TTC7B: variants seen among roughly 807,000 people sequenced by gnomAD.
TTC7B encodes the protein tetratricopeptide repeat domain 7B.
Under a neutral mutation model 106.8 loss-of-function variants are expected in TTC7B, and 28 were observed. That is an observed-to-expected ratio of 0.26 (90% confidence interval 0.19 to 0.36). TTC7B has a LOEUF of 0.36. TTC7B is among the 10% of genes least tolerant of loss of function. TTC7B has a pLI of 1.00. For synonymous variants in TTC7B, 405 were observed against 430.6 expected (o/e 0.94, Z 0.74); for missense variants, 862 against 1,076.4 (o/e 0.80, Z 2.79).
chr14:90,597,273 C>CA (rs1304776808), intron 17 of TTC7B, among the ~76,000 whole-genome samples: 1 of 152,060 alleles, frequency 6.6e-6, no homozygotes, highest in Non-Finnish European at 1.5e-5. Flanking sequence ...GAAAATAACA[C>CA]AACAAATAAA....
intron 15 of TTC7B, among the ~76,000 whole-genome samples, chr14:90,643,826 A>C (rs1885301666): frequency 6.6e-6 from 1 of 152,024 alleles, no homozygotes; most frequent in South Asian, 2.1e-4. Context: ...CAGGTGATCC[A>C]CCCACCTCGG....
At chr14:90,784,280 G>A (rs931083591) in intron 2 of TTC7B, among the ~76,000 whole-genome samples, 2 of 152,306 alleles carry the variant, frequency 1.3e-5, no homozygotes, top group South Asian at 2.1e-4. Context: ...AGATGAGGCC[G>A]GGAGCGGTGG....
Position 90,624,432 on chromosome 14 carries a change from C to A in TTC7B, c.1752-6387G>T, listed in dbSNP as rs1884349513. Among the ~76,000 whole-genome samples the A allele has an allele frequency of 6.6e-6, 1 of 152,138 alleles. No individual in the cohort carries two copies. On this transcript the variant is annotated intron_variant, in intron 15 of 19. Transcript: ENST00000328459. This position sits in a 1 kb window ranked among gnomAD's most constrained non-coding sequence, Gnocchi z 4.0. ...CACTTGTCAGGGCCATGCTCGGTGT[C>A]TCATGCCATTCCCCAGGAAGACTTC... is the stretch of plus-strand genomic sequence containing the variant.
chr14:90,602,702 GAAAA>G (rs77011716), intron 17 of TTC7B, among the ~76,000 whole-genome samples: 1 of 124,838 alleles, frequency 8.0e-6, no homozygotes, highest in Non-Finnish European at 1.7e-5. Flanking sequence ...GTCTCAAAAA[GAAAA>G]AAAAAAAAAG....
Position 90,757,226 on chromosome 14 carries a change from T to C in TTC7B, c.446-12304A>G, listed in dbSNP as rs906540005. On this transcript the variant is annotated intron_variant, in intron 3 of 19. Transcript: ENST00000328459. This position sits in a 1 kb window ranked among gnomAD's most constrained non-coding sequence, Gnocchi z 4.1. ...TGAACCACCCCGTTCCCTCCACTCA[T>C]GGACTTTTCTATAAAACTACTTGTT... 1.3e-5 allele frequency among the ~76,000 whole-genome samples: 2 copies of C among 152,120 alleles called. No homozygotes were observed. The highest frequency in any genetic ancestry group is 2.9e-5 in the Non-Finnish European group (2 of 68,012).
At position 90,560,039 on chromosome 14, in the gene TTC7B, G is replaced by A. The variant is rs534134894; in HGVS notation, c.2310+18067C>T. Among the ~76,000 whole-genome samples the A allele has an allele frequency of 5.9e-5, 9 of 152,258 alleles. No homozygotes were observed. In the South Asian group the frequency reaches 8.3e-4, roughly 14 times the overall value. On this transcript the variant is annotated intron_variant, in intron 19 of 19. Coordinates refer to ENST00000328459, the MANE Select transcript of TTC7B (RefSeq NM_001010854.2). The stretch of plus-strand genomic sequence containing the variant: ...CCTCCATCAGATCTGTGCCACAAGC[G>A]CCATGTGCCCCAGGAGCCCCGGGTT...
chr14:90,693,765 T>C (rs1025739433), intron 6 of TTC7B, among the ~76,000 whole-genome samples: 11 of 152,214 alleles, frequency 7.2e-5, no homozygotes, highest in African/African-American at 2.7e-4. Flanking sequence ...GGTGGGAATG[T>C]AATATGGTAC....
intron 5 of TTC7B, among the ~76,000 whole-genome samples, chr14:90,713,823 T>A (rs1239264017): frequency 6.6e-6 from 1 of 152,196 alleles, no homozygotes. Flanking sequence ...AACAAAAATG[T>A]AGTATATCCA....
chr14:90,550,649 G>C (rs1444391778), intron 19 of TTC7B, among the ~76,000 whole-genome samples: 1 of 152,176 alleles, frequency 6.6e-6, no homozygotes, highest in Non-Finnish European at 1.5e-5. Flanking sequence ...CACTATTAGT[G>C]ACTCCGAGAG....
At position 90,644,257 on chromosome 14, in the gene TTC7B, G is replaced by GCACACA. The variant is rs199817416; in HGVS notation, c.1591-55_1591-50dup. The stretch of plus-strand genomic sequence containing the variant: ...AGGTTTTACATACACACATGCACAC[G>GCACACA]CACACACACACACACACACACACGC... On this transcript the variant is annotated intron_variant, in intron 14 of 19. Transcript: ENST00000328459. 2,806 of 1,173,136 alleles carry GCACACA rather than the reference G, an allele frequency of 2.4e-3. 23 individuals carry two copies. The African/African-American group carries it at 0.033, about 14-fold the overall frequency. The allele number at this position is 1,173,136 out of a possible 1,614,324, so 72.7% of individuals were successfully genotyped here.
intron 19 of TTC7B, among the ~76,000 whole-genome samples, chr14:90,546,553 C>T (rs1168369530): frequency 6.6e-6 from 1 of 152,196 alleles, no homozygotes; most frequent in African/African-American, 2.4e-5. Flanking sequence ...CTGCTAGAGC[C>T]CTTGTCCATC....
intron 15 of TTC7B, among the ~76,000 whole-genome samples, chr14:90,643,390 A>G (rs1286426): frequency 0.017 from 2,563 of 152,114 alleles, 63 homozygotes; most frequent in African/African-American, 0.059. Context: ...ACTGGGCAAC[A>G]GAGTGATATT....
intron 19 of TTC7B, among the ~76,000 whole-genome samples, chr14:90,555,369 G>A (rs188000319): frequency 4.7e-4 from 72 of 152,324 alleles, no homozygotes; most frequent in Admixed American, 4.2e-3. Flanking sequence ...GCCAGACCAC[G>A]GGCTCTTGGG....
chr14:90,814,694 C>T (rs1025585625), intron 1 of TTC7B, among the ~76,000 whole-genome samples: 2 of 152,156 alleles, frequency 1.3e-5, no homozygotes, highest in East Asian at 1.9e-4. Flanking sequence ...TGTGCAACTC[C>T]GAGAGGAAAA....
rs967964492 is a variant in TTC7B at position 90,542,068 on chromosome 14, T to C, written c.2311-479A>G. On this transcript the variant is annotated intron_variant, in intron 19 of 19. Transcript: ENST00000328459. The stretch of plus-strand genomic sequence containing the variant: ...CATTCTCCTGCCTCAGCCTCCCCAG[T>C]AGCTGGGACTACAGGCGCCCGCCAC... 3.3e-5 allele frequency among the ~76,000 whole-genome samples: 5 copies of C among 152,252 alleles called. No homozygotes were observed. The East Asian group carries it at 7.7e-4, about 24-fold the overall frequency.
chr14:90,660,975 A>G (rs556011064), intron 9 of TTC7B, among the ~76,000 whole-genome samples: 61 of 152,340 alleles, frequency 4.0e-4, no homozygotes, highest in Non-Finnish European at 7.6e-4. Flanking sequence ...GCCATGGGAC[A>G]TCGGCAGGAG....
At chr14:90,623,398 A>G (rs560996152) in intron 15 of TTC7B, among the ~76,000 whole-genome samples, 1 of 152,244 alleles carries the variant, frequency 6.6e-6, no homozygotes, top group African/African-American at 2.4e-5. Context: ...AATAAGAAAC[A>G]GAGAAGGATG....
chr14:90,770,245 A>T lies in TTC7B; in HGVS notation c.445+10493T>A, dbSNP rs192430037. Among the ~76,000 whole-genome samples, 74 of 152,378 alleles carry T rather than the reference A, an allele frequency of 4.9e-4. 2 individuals carry two copies. In the East Asian group the frequency reaches 0.011, roughly 23 times the overall value. On this transcript the variant is annotated intron_variant, in intron 3 of 19. Transcript: ENST00000328459. Reference sequence around the variant, plus strand: ...ATACAACAGTTATAAACATTTACACATGTAATTACAGACCATCAAAATACA... The same window carrying T: ...ATACAACAGTTATAAACATTTACACTTGTAATTACAGACCATCAAAATACA...
chr14:90,582,035 C>T lies in TTC7B; in HGVS notation c.2108-3727G>A, dbSNP rs145167574. 4.0e-3 allele frequency among the ~76,000 whole-genome samples: 611 copies of T among 152,250 alleles called. 7 individuals carry two copies. Among genetic ancestry groups the T allele is most frequent in the African/African-American group, 0.014 (580 of 41,542 alleles). On this transcript the variant is annotated intron_variant, in intron 18 of 19. Transcript: ENST00000328459. The stretch of plus-strand genomic sequence containing the variant: ...CTGACAGATGTGACAGCAAAATGCA[C>T]GGCCTAGGGTTACTCCCAAATCCCT...
Sources: allele counts gnomAD v4.1 joint callset (sites outside exome capture counted in the v4.1 genomes callset), GRCh38; gene constraint gnomAD v4.1.1; non-coding constraint Gnocchi (gnomAD v3.1); transcripts MANE v1.5; gene names NCBI Gene and HGNC (gene_info 2026-07-23, HGNC 2026-07-21).